The following CNBD1 variants were observed in gnomAD, a reference collection of about 807,000 sequenced individuals.
CNBD1 encodes the protein cyclic nucleotide binding domain containing 1, also known as cyclic nucleotide-binding domain-containing protein 1.
CNBD1 carries 71 observed loss-of-function variants against 54.4 expected under a neutral mutation model. The ratio of observed to expected loss-of-function variants is 1.30; its 90% CI spans 1.08 to 1.59. The LOEUF (loss-of-function observed/expected upper bound fraction) is 1.59. Among genes scored for constraint, CNBD1 ranks in the 40% most tolerant of loss-of-function variants. The pLI is 0.00. For missense variants in CNBD1, 659 were observed against 518.0 expected, an observed-to-expected ratio of 1.27 and a Z score of -2.64; for synonymous variants, 182 against 170.7, an observed-to-expected ratio of 1.07 and a Z score of -0.51.
At chr8:87,232,694 G>T (rs1315777558) in intron 5 of CNBD1, among the ~76,000 whole-genome samples, 1 of 152,096 alleles carries the variant, frequency 6.6e-6, no homozygotes, top group Non-Finnish European at 1.5e-5. Flanking sequence ...CTTGTAGCTT[G>T]CGATATAATT....
At chr8:87,412,514 T>A (rs1335149834) in intron 2 of CNBD1, among the ~76,000 whole-genome samples, 2 of 152,086 alleles carry the variant, frequency 1.3e-5, no homozygotes, top group Non-Finnish European at 2.9e-5. Context: ...TGGTCCCTGT[T>A]CAAATAATTA....
rs190624319 is a variant in CNBD1, at chr8:87,080,922, C to T, written c.432-125071C>T. On this transcript the variant is annotated intron_variant, in intron 4 of 10. Coordinates refer to ENST00000518476, the MANE Select transcript of CNBD1 (RefSeq NM_173538.3). ...TCTCATTCTTGATATCAGTAGTTTG[C>T]TTCTTTTTTCCCCTTGTCATTGTGT... 1.3e-4 allele frequency among the ~76,000 whole-genome samples: 20 copies of T among 151,854 alleles called. No homozygotes were observed. The East Asian group carries it at 3.7e-3, about 28-fold the overall frequency.
At chr8:87,307,882 A>G (rs868376045) in intron 8 of CNBD1, among the ~76,000 whole-genome samples, 2 of 152,050 alleles carry the variant, frequency 1.3e-5, no homozygotes, top group Non-Finnish European at 2.9e-5. Context: ...AAACAAAATA[A>G]TTTATTGGTT....
intron 10 of CNBD1, among the ~76,000 whole-genome samples, chr8:87,376,310 C>T (rs1038878038): frequency 1.3e-5 from 2 of 151,736 alleles, no homozygotes; most frequent in African/African-American, 4.8e-5. Context: ...CTGTCTTCTC[C>T]TTGTATTCTC....
chr8:86,953,327 C>A (rs1323609848), intron 4 of CNBD1, among the ~76,000 whole-genome samples: 1 of 152,150 alleles, frequency 6.6e-6, no homozygotes, highest in Non-Finnish European at 1.5e-5. Context: ...ATGGTTGTAT[C>A]ATTAGGTATA....
At chr8:87,236,590 T>C (rs1011815011) in intron 5 of CNBD1, among the ~76,000 whole-genome samples, 1 of 151,684 alleles carries the variant, frequency 6.6e-6, no homozygotes, top group African/African-American at 2.4e-5. Flanking sequence ...TTCAAGGGCT[T>C]TTCTGGTCCC....
At chr8:86,967,196 G>T (rs1156594463) in intron 4 of CNBD1, among the ~76,000 whole-genome samples, 2 of 152,288 alleles carry the variant, frequency 1.3e-5, no homozygotes, top group Non-Finnish European at 2.9e-5. Flanking sequence ...TCCTTCCTGG[G>T]GCTTCCAAGG....
chr8:87,234,438 C>A (rs532451062), intron 5 of CNBD1, among the ~76,000 whole-genome samples: 253 of 152,262 alleles, frequency 1.7e-3, no homozygotes, highest in South Asian at 3.1e-3. Context: ...TGATAGGTTG[C>A]AGAATGAATG....
intron 5 of CNBD1, among the ~76,000 whole-genome samples, chr8:87,215,604 AG>A (rs1363011100): frequency 6.6e-6 from 1 of 151,718 alleles, no homozygotes; most frequent in Non-Finnish European, 1.5e-5. Context: ...AAAAAAAAAA[AG>A]AGTTTCTTTT....
rs147126890 is a variant in CNBD1, at chr8:86,995,339, A to G, written c.431+55585A>G. 4.6e-3 allele frequency among the ~76,000 whole-genome samples: 699 copies of G among 152,320 alleles called. 3 individuals are homozygous for G. The highest frequency in any genetic ancestry group is 0.014 in the Middle Eastern group (4 of 294). The stretch of plus-strand genomic sequence containing the variant: ...AGTAAATGTCTGTTGCAACTACTCG[A>G]TTCTGCATTATACTGCAGAAACAGA... On this transcript the variant is annotated intron_variant, in intron 4 of 10. Coordinates refer to ENST00000518476, the MANE Select transcript of CNBD1 (RefSeq NM_173538.3).
intron 5 of CNBD1, among the ~76,000 whole-genome samples, chr8:87,220,900 T>C (rs1021611819): frequency 9.9e-5 from 15 of 152,072 alleles, no homozygotes; most frequent in Non-Finnish European, 1.8e-4. Flanking sequence ...AAATATATCA[T>C]CCCAGTGTTA....
At chr8:87,178,913 G>GTTTC (rs1813253606) in intron 4 of CNBD1, among the ~76,000 whole-genome samples, 2 of 152,082 alleles carry the variant, frequency 1.3e-5, no homozygotes, top group African/African-American at 4.8e-5. Flanking sequence ...TTGTTTGTTT[G>GTTTC]TTTGTTTGTT....
At chr8:87,428,373 G>C (rs1426219412) in intron 2 of CNBD1, among the ~76,000 whole-genome samples, 1 of 151,992 alleles carries the variant, frequency 6.6e-6, no homozygotes, top group African/African-American at 2.4e-5. Context: ...AAATTTTATG[G>C]GTTGGTCTGG....
At position 87,410,024 on chromosome 8, in the gene CNBD1, A is replaced by G. The variant is rs547101381; in HGVS notation, c.214-18522A>G. On this transcript the variant is annotated intron_variant, in intron 2 of 7. Transcript: ENST00000521593. ...GGTGACAGAGCGAGACTCTGTTTCA[A>G]AAAAAAAAAGAATTAAGTTAAATTT... 7.2e-4 allele frequency among the ~76,000 whole-genome samples: 108 copies of G among 149,730 alleles called. 1 individual carries two copies. The highest frequency in any genetic ancestry group is 2.6e-3 in the African/African-American group (105 of 41,088).
At chr8:86,967,942 G>A (rs73271744) in intron 4 of CNBD1, among the ~76,000 whole-genome samples, 3,007 of 152,222 alleles carry the variant, frequency 0.02, 95 homozygotes, top group African/African-American at 0.067. Context: ...ATAGCGGTAA[G>A]GTGTAGGGAG....
At chr8:86,932,918 G>A (rs994459068) in intron 3 of CNBD1, among the ~76,000 whole-genome samples, 1 of 152,068 alleles carries the variant, frequency 6.6e-6, no homozygotes, top group African/African-American at 2.4e-5. Context: ...AGCAGCAGCG[G>A]AAACACTTGT....
intron 6 of CNBD1, among the ~76,000 whole-genome samples, chr8:87,251,058 A>C (rs973976798): frequency 6.6e-6 from 1 of 152,140 alleles, no homozygotes; most frequent in Non-Finnish European, 1.5e-5. Context: ...ATCTCTGTAC[A>C]TTGTATTCCT....
At chr8:86,922,362 C>T (rs1440138510) in intron 3 of CNBD1, among the ~76,000 whole-genome samples, 8 of 151,820 alleles carry the variant, frequency 5.3e-5, no homozygotes, top group South Asian at 2.1e-4. Context: ...AAAGGCAAGG[C>T]GAGGGAGAAG....
At chr8:87,155,150 A>T (rs780088556) in intron 4 of CNBD1, among the ~76,000 whole-genome samples, 2 of 152,176 alleles carry the variant, frequency 1.3e-5, no homozygotes, top group Non-Finnish European at 2.9e-5. Context: ...ACATAGTTTC[A>T]TTGGCAATAA....
Sources: gnomAD v4.1 joint callset for allele counts (sites outside exome capture counted in the v4.1 genomes callset) on GRCh38, gnomAD v4.1.1 for gene constraint, MANE v1.5 for transcripts, NCBI Gene and HGNC (gene_info 2026-07-23, HGNC 2026-07-21) for gene names.